Variants in NHS observed in about 807,000 individuals in gnomAD.
NHS encodes NHS actin remodeling regulator.
In NHS, 5 loss-of-function variants were observed where a neutral mutation model predicts 72.5. The observed-to-expected ratio is 0.07, with a 90% CI of 0.04 to 0.14. The LOEUF (loss-of-function observed/expected upper bound fraction) is 0.14, where lower values mean the gene tolerates loss of function less well. Among genes scored for constraint, NHS ranks in the 10% least tolerant of loss-of-function variants. The pLI is 1.00. For missense variants in NHS, 1,072 were observed against 1,355.7 expected (o/e 0.79, Z 3.29); for synonymous variants, 464 against 547.7 (o/e 0.85, Z 2.13).
At chrX:17,584,035 C>T (rs774497247) in intron 1 of NHS, among the ~76,000 whole-genome samples, 7 of 111,534 alleles carry the variant, frequency 6.3e-5, no homozygotes, top group Non-Finnish European at 1.3e-4. Context: ...AAGCCCTGAT[C>T]GAAGTGGATA....
At chrX:17,496,299 A>G (rs1233156754) in intron 1 of NHS, among the ~76,000 whole-genome samples, 1 of 110,144 alleles carries the variant, frequency 9.1e-6, no homozygotes, top group Non-Finnish European at 1.9e-5. Flanking sequence ...GTGCCATTGA[A>G]TTTTCCTCCT....
chrX:17,472,345 CAGAG>C (rs898919056), intron 1 of NHS, among the ~76,000 whole-genome samples: 2 of 110,089 alleles, frequency 1.8e-5, no homozygotes, highest in African/African-American at 3.3e-5. Context: ...GAGACAGAGA[CAGAG>C]AGAGACAGAG....
At chrX:17,403,561 A>T (rs2064512946) in intron 1 of NHS, among the ~76,000 whole-genome samples, 1 of 111,987 alleles carries the variant, frequency 8.9e-6, no homozygotes, top group African/African-American at 3.2e-5. Context: ...GTGATGGAAT[A>T]AACACTAGAG....
intron 1 of NHS, among the ~76,000 whole-genome samples, chrX:17,503,692 T>C (rs752167695): frequency 8.9e-6 from 1 of 112,068 alleles, no homozygotes; most frequent in Non-Finnish European, 1.9e-5. Context: ...TTGAAATGTA[T>C]AACTTCTGAA....
At chrX:17,575,032 G>A (rs1343766178) in intron 1 of NHS, among the ~76,000 whole-genome samples, 1 of 111,818 alleles carries the variant, frequency 8.9e-6, no homozygotes, top group Non-Finnish European at 1.9e-5. Flanking sequence ...AGTAACATCC[G>A]CTGCCTCCTC....
At chrX:17,731,224 C>CTTT (rs142686353) in intron 8 of NHS, among the ~76,000 whole-genome samples, 13 of 34,843 alleles carry the variant, frequency 3.7e-4, no homozygotes, top group Non-Finnish European at 4.6e-4. Flanking sequence ...TAGTTTCTTC[C>CTTT]TTTTTTTTTT....
intron 1 of NHS, among the ~76,000 whole-genome samples, chrX:17,650,054 T>C (rs1290732276): frequency 1.8e-5 from 2 of 111,917 alleles, no homozygotes; most frequent in Non-Finnish European, 1.9e-5. Flanking sequence ...AGCACGTATT[T>C]GAGTCAAAGA....
rs149983381 is a variant in NHS at position 17,614,724 on chromosome X, C to G, written c.566-73018C>G. On this transcript the variant is annotated intron_variant, in intron 1 of 8. Transcript: ENST00000676302. ...GAAGTCACAAAATGAACTTTTTCCC[C>G]TCCTTAGCAATTTCCCATCTTCATT... is the stretch of plus-strand genomic sequence containing the variant. 6.0e-3 allele frequency among the ~76,000 whole-genome samples: 670 copies of G among 111,212 alleles called. 3 individuals carry two copies. Among genetic ancestry groups the G allele is most frequent in the African/African-American group, 0.021 (650 of 30,575 alleles).
At chrX:17,711,094 CT>C (rs2066327061) in intron 3 of NHS, among the ~76,000 whole-genome samples, 1 of 112,438 alleles carries the variant, frequency 8.9e-6, no homozygotes, top group Non-Finnish European at 1.9e-5. Flanking sequence ...TTCAAAGATT[CT>C]TTCTTCCCTG....
intron 1 of NHS, among the ~76,000 whole-genome samples, chrX:17,457,597 T>C (rs1023564043): frequency 9.0e-6 from 1 of 111,423 alleles, no homozygotes; most frequent in East Asian, 2.8e-4. Flanking sequence ...CAACATGAGC[T>C]TTGGAGGAAA....
Position 17,607,905 on chromosome X carries a change from T to C in NHS, c.566-79837T>C, listed in dbSNP as rs192413674. Among the ~76,000 whole-genome samples, 997 of 105,096 alleles carry C rather than the reference T, an allele frequency of 9.5e-3. 16 individuals are homozygous for C. The highest frequency in any genetic ancestry group is 0.034 in the African/African-American group (948 of 27,970). The allele number at this position is 105,096 out of a possible 115,157, so 91.3% of individuals were successfully genotyped here. ...CTGATCCAGGTTTCGTTTCTTCTCT[T>C]TTTCTTTTCTTTTCTTTTTTTTTTT... On this transcript the variant is annotated intron_variant, in intron 1 of 8. Coordinates refer to ENST00000676302, the MANE Select transcript of NHS (RefSeq NM_001291867.2).
At chrX:17,501,793 C>T (rs1409044173) in intron 1 of NHS, among the ~76,000 whole-genome samples, 1 of 112,097 alleles carries the variant, frequency 8.9e-6, no homozygotes, top group Non-Finnish European at 1.9e-5. Flanking sequence ...TGTTCCAGGA[C>T]GGTGATGATT....
chrX:17,593,261 G>A (rs928679799), intron 1 of NHS, among the ~76,000 whole-genome samples: 7 of 111,317 alleles, frequency 6.3e-5, no homozygotes, highest in African/African-American at 1.6e-4. Context: ...CAGAGTTGCT[G>A]CCACCATGAG....
chrX:17,628,954 A>G (rs2065811892), intron 1 of NHS, among the ~76,000 whole-genome samples: 1 of 112,996 alleles, frequency 8.8e-6, no homozygotes, highest in African/African-American at 3.2e-5. Flanking sequence ...TATCATTATT[A>G]TATTATTACC....
intron 1 of NHS, among the ~76,000 whole-genome samples, chrX:17,383,188 C>T (rs939376100): frequency 8.9e-6 from 1 of 112,003 alleles, no homozygotes; most frequent in Non-Finnish European, 1.9e-5. Flanking sequence ...ACTACTTGCA[C>T]TCAAACCTGT....
chrX:17,466,521 C>T (rs761795202), intron 1 of NHS, among the ~76,000 whole-genome samples: 2 of 111,828 alleles, frequency 1.8e-5, no homozygotes, highest in African/African-American at 6.5e-5. Context: ...TCAAGCACCT[C>T]GTAGTGGAAA....
chrX:17,701,160 T>A (rs2147122086), intron 3 of NHS, among the ~76,000 whole-genome samples: 1 of 112,125 alleles, frequency 8.9e-6, no homozygotes, highest in Admixed American at 9.5e-5. Context: ...AGGCTGTACC[T>A]TCTAGGTTTG....
chrX:17,446,640 A>G (rs781526740), intron 1 of NHS, among the ~76,000 whole-genome samples: 19 of 106,456 alleles, frequency 1.8e-4, no homozygotes, highest in Non-Finnish European at 2.3e-4. Flanking sequence ...CAGGTGAAAT[A>G]AACAGCCTTT....
chrX:17,572,491 CTTTTT>C (rs760577193), intron 1 of NHS, among the ~76,000 whole-genome samples: 3 of 46,774 alleles, frequency 6.4e-5, no homozygotes, highest in African/African-American at 2.6e-4. Flanking sequence ...GCAACCCCTG[CTTTTT>C]TTTTTTTTTT....
Sources: allele counts gnomAD v4.1 joint callset (sites outside exome capture counted in the v4.1 genomes callset), GRCh38; gene constraint gnomAD v4.1.1; transcripts MANE v1.5; gene names NCBI Gene and HGNC (gene_info 2026-07-23, HGNC 2026-07-21).